PPP2R5A: variants seen among roughly 807,000 people sequenced by gnomAD.
PPP2R5A encodes serine/threonine-protein phosphatase 2A 56 kDa regulatory subunit alpha isoform.
PPP2R5A carries 25 observed loss-of-function variants against 64.2 expected under a neutral mutation model. The observed-to-expected ratio is 0.39, with a 90% CI of 0.28 to 0.54. The LOEUF (loss-of-function observed/expected upper bound fraction) is 0.54, where lower values mean the gene tolerates loss of function less well. PPP2R5A is among the 20% of genes least tolerant of loss of function. PPP2R5A has a pLI of 0.67. For missense variants in PPP2R5A, 425 were observed against 576.3 expected (o/e 0.74, Z 2.69); for synonymous variants, 198 against 201.2 (o/e 0.98, Z 0.13).
At chr1:212,297,808 TG>T (rs1333368589) in intron 1 of PPP2R5A, 1 of 47,778 alleles carries the variant, frequency 2.1e-5, no homozygotes, top group Non-Finnish European at 3.8e-5. Flanking sequence ...TGAAGTGAAT[TG>T]TTTTTTTTTT....
intron 1 of PPP2R5A, chr1:212,319,644 G>C (rs2102425324): frequency 7.3e-6 from 1 of 137,374 alleles, no homozygotes; most frequent in Admixed American, 7.6e-5. Context: ...TTTTGAGACG[G>C]AGTTTTGCTC....
At chr1:212,328,432 A>G (rs1659444352) in intron 1 of PPP2R5A, among the ~76,000 whole-genome samples, 1 of 152,178 alleles carries the variant, frequency 6.6e-6, no homozygotes, top group African/African-American at 2.4e-5. Flanking sequence ...ACATTGTGTA[A>G]TCTTCAGGGA....
chr1:212,328,938 T>C (rs1659453101), intron 1 of PPP2R5A, among the ~76,000 whole-genome samples, 197 bp from the exon 2 acceptor site: 1 of 152,088 alleles, frequency 6.6e-6, no homozygotes, highest in Non-Finnish European at 1.5e-5. Context: ...ATTTTTTTAA[T>C]GATTGATTGT....
rs1660072621 is a variant in PPP2R5A, at chr1:212,361,088, T to C, written c.*318T>C. 1.1e-5 allele frequency: 2 copies of C among 179,852 alleles called. No homozygotes were observed. Among genetic ancestry groups the C allele is most frequent in the Non-Finnish European group, 1.2e-5 (1 of 86,196 alleles). 11.1% of individuals were successfully genotyped at this position (179,852 alleles called of 1,614,324 possible). A position where few individuals can be genotyped will look rare whatever the true frequency, so the allele number is the denominator to read the frequency against. ...AATTATGACTTGAATTCTTCTTTGATTGTGTTGCACATAGATATGGTAGTC... is the reference window on the plus strand; with the variant it reads ...AATTATGACTTGAATTCTTCTTTGACTGTGTTGCACATAGATATGGTAGTC... On this transcript the variant is annotated 3_prime_UTR_variant, in exon 13 of 13. Transcript: ENST00000261461.
intron 1 of PPP2R5A, among the ~76,000 whole-genome samples, chr1:212,290,377 C>G (rs534843142): frequency 1.3e-5 from 2 of 152,304 alleles, no homozygotes; most frequent in East Asian, 3.9e-4. Flanking sequence ...TACTATCATT[C>G]CATCTAAACA....
chr1:212,303,267 C>A (rs768507958), intron 1 of PPP2R5A, among the ~76,000 whole-genome samples: 1 of 152,152 alleles, frequency 6.6e-6, no homozygotes, highest in African/African-American at 2.4e-5. Context: ...TTTTGACTTT[C>A]TGATTATAGC....
intron 1 of PPP2R5A, among the ~76,000 whole-genome samples, chr1:212,293,694 A>ATT (rs879752237): frequency 1.4e-5 from 2 of 146,070 alleles, no homozygotes. Flanking sequence ...ACATACTGGA[A>ATT]TTTTTTTTTT....
In PPP2R5A at chr1:212,345,931, C is replaced by T. The variant is rs760970248; in HGVS notation, c.702C>T (p.Leu234=). 39 of 1,589,392 alleles carry T rather than the reference C, an allele frequency of 2.5e-5. No homozygotes were observed. The highest frequency in any genetic ancestry group is 3.2e-5 in the Non-Finnish European group (37 of 1,167,776). The part of the protein sequence containing the change: ...FIRKQINNIF[L]RFIYETEHFN... Reference sequence around the variant, plus strand: ...GAAAACAAATTAACAACATTTTCCTCAGGTAAATTAATCATTTATTGTATA... The same window carrying T: ...GAAAACAAATTAACAACATTTTCCTTAGGTAAATTAATCATTTATTGTATA... The change falls in exon 5 of 13, where the codon CTC becomes CTT. Residue 234 remains leucine, a splice_region_variant and synonymous_variant. Coordinates refer to ENST00000261461, the MANE Select transcript of PPP2R5A (RefSeq NM_006243.4).
In PPP2R5A at chr1:212,297,825, C is replaced by CTTTTTTTTTTTTTTTTT. The variant is rs1368421837; in HGVS notation, c.181+11540_181+11541insTTTTTTTTTTTTTTTTT. The CTTTTTTTTTTTTTTTTT allele has an allele frequency of 5.5e-3, 122 of 21,996 alleles. 1 individual carries two copies. The highest frequency in any genetic ancestry group is 6.9e-3 in the Non-Finnish European group (91 of 13,150). 1.4% of individuals were successfully genotyped at this position (21,996 alleles called of 1,614,324 possible). A position where few individuals can be genotyped will look rare whatever the true frequency, so the allele number is the denominator to read the frequency against. On this transcript the variant is annotated intron_variant, in intron 1 of 12. Transcript: ENST00000261461. ...AAGTGAATTGTTTTTTTTTTTTTTT[C>CTTTTTTTTTTTTTTTTT]TTTTTTATTTTTATTGATCATTCTT...
At chr1:212,326,568 G>C (rs1278469609) in intron 1 of PPP2R5A, among the ~76,000 whole-genome samples, 1 of 152,168 alleles carries the variant, frequency 6.6e-6, no homozygotes, top group African/African-American at 2.4e-5. Context: ...CCACACTCTA[G>C]CCTGGGCAGT....
At chr1:212,293,871 T>C (rs558549878) in intron 1 of PPP2R5A, among the ~76,000 whole-genome samples, 1 of 152,282 alleles carries the variant, frequency 6.6e-6, no homozygotes, top group African/African-American at 2.4e-5. Context: ...GTCATTCTGG[T>C]TTAGCCTCTG....
At chr1:212,334,150 C>T (rs2102435921) in intron 3 of PPP2R5A, 1 of 152,164 alleles carries the variant, frequency 6.6e-6, no homozygotes, top group African/African-American at 2.4e-5. Context: ...ATGGATATAC[C>T]ACATTTGTTT....
chr1:212,345,671 T>C lies in PPP2R5A; in HGVS notation c.574-132T>C, dbSNP rs1384262324. 1.2e-5 allele frequency: 9 copies of C among 754,796 alleles called. No individual in the cohort carries two copies. In the Admixed American group the frequency reaches 3.2e-4, roughly 27 times the overall value. 46.8% of individuals were successfully genotyped at this position (754,796 alleles called of 1,614,324 possible). ...CCTCACCTTCATTACTTAGCAAGAA[T>C]AAAGTCAGTGTGGTAAGGAAGAACT... On this transcript the variant is annotated intron_variant, in intron 4 of 12. Transcript: ENST00000261461.
At position 212,357,187 on chromosome 1, in the gene PPP2R5A, A is replaced by G; in HGVS notation, c.1129A>G (p.Asn377Asp). ...AGAAAGGGCATTGTACTTCTGGAAT[A>G]ACGAATATATTCTTAGTTTGATTGA... is the stretch of plus-strand genomic sequence containing the variant. Reference protein sequence around the residue: ...VAERALYFWNNEYILSLIEEN... With the variant: ...VAERALYFWNDEYILSLIEEN... Residue 377 changes from asparagine to aspartate, a missense_variant, in exon 11 of 13, where the codon AAC (asparagine) becomes GAC (aspartate). Physicochemically the swap from Asn to Asp is conservative, Grantham distance 23. This residue lies in a region of PPP2R5A where 177 missense variants were observed against 244.8 expected (regional missense o/e 0.72). Transcript: ENST00000261461. The G allele has an allele frequency of 6.3e-7, 1 of 1,589,724 alleles. No individual in the cohort carries two copies. Among genetic ancestry groups the G allele is most frequent in the Non-Finnish European group, 8.5e-7 (1 of 1,171,184 alleles).
chr1:212,335,424 G>A (rs1041335907), intron 3 of PPP2R5A, among the ~76,000 whole-genome samples: 4 of 150,684 alleles, frequency 2.7e-5, no homozygotes, highest in Admixed American at 1.3e-4. Flanking sequence ...GTGGTGAGCC[G>A]AGATTGCGCC....
chr1:212,311,990 G>A (rs369325545), intron 1 of PPP2R5A, among the ~76,000 whole-genome samples: 1 of 152,216 alleles, frequency 6.6e-6, no homozygotes, highest in South Asian at 2.1e-4. Context: ...GTAGTGTACA[G>A]TAATGTCCTA....
chr1:212,331,134 C>T (rs60127185), intron 2 of PPP2R5A, among the ~76,000 whole-genome samples: 2 of 147,926 alleles, frequency 1.4e-5, no homozygotes, highest in Admixed American at 1.4e-4. Flanking sequence ...TGCCACTGCA[C>T]TCCAGGCTGG....
At chr1:212,319,621 T>TTTTTTTTTTTTTTTTTTTTTTTTG (rs1659225479) in intron 1 of PPP2R5A, 1 of 132,528 alleles carries the variant, frequency 7.5e-6, no homozygotes, top group African/African-American at 2.9e-5. Context: ...TTCTTTTCTT[T>TTTTTTTTTTTTTTTTTTTTTTTTG]TTTTTTTTTT....
At chr1:212,304,846 C>A (rs1321689754) in intron 1 of PPP2R5A, among the ~76,000 whole-genome samples, 2 of 150,730 alleles carry the variant, frequency 1.3e-5, no homozygotes, top group Non-Finnish European at 3.0e-5. Context: ...GATTCTCCTG[C>A]CCCAGCCTCC....
Sources: gnomAD v4.1 joint callset for allele counts (sites outside exome capture counted in the v4.1 genomes callset) on GRCh38, gnomAD v4.1.1 for gene constraint, gnomAD v4.1.1 regional missense constraint, MANE v1.5 for transcripts, NCBI Gene and HGNC (gene_info 2026-07-23, HGNC 2026-07-21) for gene names.